RNF150: variants seen among roughly 807,000 people sequenced by gnomAD.
RNF150 encodes the protein ring finger protein 150.
A neutral mutation model predicts 39.3 loss-of-function variants in RNF150; 24 were observed. The observed-to-expected ratio is 0.61, with a 90% CI of 0.44 to 0.86. The LOEUF (loss-of-function observed/expected upper bound fraction) is 0.86, where lower values mean the gene tolerates loss of function less well. Among genes scored for constraint, RNF150 ranks in the 40% least tolerant of loss-of-function variants. The pLI is 0.00. For missense variants in RNF150, 502 were observed against 587.8 expected, an observed-to-expected ratio of 0.85 and a Z score of 1.51; for synonymous variants, 255 against 227.3, an observed-to-expected ratio of 1.12 and a Z score of -1.10.
Position 141,132,192 on chromosome 4 carries a change from C to T in RNF150, c.484+133G>A. ...CAAGTGACGCGGAGCAAAACTTAAT[C>T]GGTCCAGGGAACCCAGACACGTCTT... On this transcript the variant is annotated intron_variant, in intron 1 of 6. Transcript: ENST00000515673. This position sits in a 1 kb window ranked among gnomAD's most constrained non-coding sequence, Gnocchi z 4.9. The T allele has an allele frequency of 3.4e-6, 3 of 894,916 alleles. No homozygotes were observed. Among genetic ancestry groups the T allele is most frequent in the Non-Finnish European group, 5.1e-6 (3 of 591,776 alleles). The allele number at this position is 894,916 out of a possible 1,614,324, so 55.4% of individuals were successfully genotyped here.
chr4:141,139,875 T>C (rs1317089442), intron 1 of RNF150, among the ~76,000 whole-genome samples: 1 of 152,170 alleles, frequency 6.6e-6, no homozygotes, highest in Non-Finnish European at 1.5e-5. Context: ...TACTACCACA[T>C]TGGTAGTCTT....
intron 1 of RNF150, among the ~76,000 whole-genome samples, chr4:141,081,395 C>G (rs1738142520): frequency 6.6e-6 from 1 of 152,170 alleles, no homozygotes; most frequent in African/African-American, 2.4e-5. Context: ...AAAAGAAACT[C>G]ATACTCTCCA....
intron 4 of RNF150, among the ~76,000 whole-genome samples, chr4:140,935,044 TAAATA>T (rs1731799076): frequency 2.3e-4 from 1 of 4,362 alleles, no homozygotes; most frequent in African/African-American, 5.6e-4. Flanking sequence ...TATATATATA[TAAATA>T]TATATATTAT....
At chr4:141,016,283 T>C (rs1431294188) in intron 1 of RNF150, among the ~76,000 whole-genome samples, 1 of 152,174 alleles carries the variant, frequency 6.6e-6, no homozygotes, top group East Asian at 1.9e-4. Flanking sequence ...GACTGAAGAC[T>C]GACCGAAACA....
At chr4:141,077,067 C>T (rs1402549455) in intron 1 of RNF150, among the ~76,000 whole-genome samples, 1 of 152,004 alleles carries the variant, frequency 6.6e-6, no homozygotes, top group Non-Finnish European at 1.5e-5. Flanking sequence ...CTTTTCAGCT[C>T]TACTCACTAC....
Position 141,072,857 on chromosome 4 carries a change from C to T in RNF150, c.484+59468G>A, listed in dbSNP as rs1267646401. Among the ~76,000 whole-genome samples, 6 of 151,780 alleles carry T rather than the reference C, an allele frequency of 4.0e-5. 1 individual carries two copies. In the South Asian group the frequency reaches 1.2e-3, roughly 32 times the overall value. On this transcript the variant is annotated intron_variant, in intron 1 of 6. Transcript: ENST00000515673. ...ACCTCCCAGAATCAAAGTCTCAAAA[C>T]AAAAAAGGCTTCCATATTTAAAAAC...
At chr4:140,887,309 T>C (rs1729610985) in intron 6 of RNF150, among the ~76,000 whole-genome samples, 2 of 152,236 alleles carry the variant, frequency 1.3e-5, no homozygotes, top group Non-Finnish European at 2.9e-5. Flanking sequence ...TGTAATGAGA[T>C]TTGATAAATA....
chr4:141,024,820 T>C (rs1735630877), intron 1 of RNF150, among the ~76,000 whole-genome samples: 1 of 152,160 alleles, frequency 6.6e-6, no homozygotes, highest in Non-Finnish European at 1.5e-5. Flanking sequence ...GATTGGCTAC[T>C]ATTAATTACA....
intron 5 of RNF150, among the ~76,000 whole-genome samples, chr4:140,912,068 T>C (rs762129878): frequency 2.6e-5 from 4 of 152,232 alleles, no homozygotes; most frequent in Non-Finnish European, 5.9e-5. Context: ...TCCAATATCA[T>C]TGACAGCTTC....
chr4:141,074,130 T>G (rs1234839890), intron 1 of RNF150, among the ~76,000 whole-genome samples: 1 of 152,112 alleles, frequency 6.6e-6, no homozygotes, highest in Non-Finnish European at 1.5e-5. Context: ...GAGCAGATTC[T>G]TTTAAAAAAT....
At chr4:141,044,918 AAT>A in intron 1 of RNF150, among the ~76,000 whole-genome samples, 1 of 152,218 alleles carries the variant, frequency 6.6e-6, no homozygotes, top group East Asian at 1.9e-4. Flanking sequence ...TTGTTAGTTT[AAT>A]ATATTAATGT....
intron 1 of RNF150, among the ~76,000 whole-genome samples, chr4:140,986,786 C>T (rs1341884512): frequency 1.3e-5 from 2 of 151,924 alleles, no homozygotes; most frequent in African/African-American, 4.8e-5. Flanking sequence ...TCACAGTAAT[C>T]AGGCAAGAGA....
rs964138581 is a variant in RNF150 at position 140,866,110 on chromosome 4, C to T, written c.*2151G>A. The T allele has an allele frequency of 1.3e-5, 2 of 152,236 alleles. No homozygotes were observed. Among genetic ancestry groups the T allele is most frequent in the Non-Finnish European group, 2.9e-5 (2 of 68,042 alleles). The allele number at this position is 152,236 out of a possible 1,614,324, so 9.4% of individuals were successfully genotyped here. A position where few individuals can be genotyped will look rare whatever the true frequency, so the allele number is the denominator to read the frequency against. On this transcript the variant is annotated 3_prime_UTR_variant, in exon 7 of 7. Transcript: ENST00000515673. ...TTTTAAACAAGGCAAAACAAACCAA[C>T]TCCTACTTGGACTTAAAACTTCAAT...
In RNF150 at chr4:141,095,658, C is replaced by T. The variant is rs777981498; in HGVS notation, c.484+36667G>A. 2.6e-5 allele frequency among the ~76,000 whole-genome samples: 4 copies of T among 152,194 alleles called. No homozygotes were observed. The East Asian group carries it at 5.8e-4, about 22-fold the overall frequency. On this transcript the variant is annotated intron_variant, in intron 1 of 6. Transcript: ENST00000515673. Reference sequence around the variant, plus strand: ...GAGAGCACTGATATATATACCCACACATTTTTGTGTAGTACATAAAGCAGG... The same window carrying T: ...GAGAGCACTGATATATATACCCACATATTTTTGTGTAGTACATAAAGCAGG...
chr4:141,176,592 T>C (rs897700777), intron 1 of RNF150, among the ~76,000 whole-genome samples: 4 of 152,168 alleles, frequency 2.6e-5, no homozygotes, highest in African/African-American at 9.7e-5. Flanking sequence ...GAATGATATC[T>C]TTAGTATCTT....
chr4:141,208,639 G>A (rs1728415306), intron 1 of RNF150, among the ~76,000 whole-genome samples: 1 of 152,178 alleles, frequency 6.6e-6, no homozygotes, highest in South Asian at 2.1e-4. Flanking sequence ...AATACTCCAA[G>A]TCAAGATAGC....
intron 1 of RNF150, among the ~76,000 whole-genome samples, chr4:141,083,464 TG>T (rs1738238204): frequency 6.6e-6 from 1 of 152,164 alleles, no homozygotes; most frequent in Non-Finnish European, 1.5e-5. Flanking sequence ...ATTTACATGT[TG>T]GTGGTGTTGG....
chr4:140,896,731 T>G (rs6148695), intron 6 of RNF150, among the ~76,000 whole-genome samples: 63,050 of 130,530 alleles, frequency 0.48, 16,133 homozygotes, highest in East Asian at 0.83. Flanking sequence ...CAAAAAAAAA[T>G]AATTTTTTTT....
rs1056437599 is a variant in RNF150 at position 140,935,098 on chromosome 4, T to C, written c.891-9025A>G. Among the ~76,000 whole-genome samples the C allele has an allele frequency of 8.9e-4, 123 of 137,470 alleles. 1 individual carries two copies. The highest frequency in any genetic ancestry group is 3.1e-3 in the African/African-American group (117 of 37,286). The allele number at this position is 137,470 out of a possible 152,430, so 90.2% of individuals were successfully genotyped here. On this transcript the variant is annotated intron_variant, in intron 4 of 6. Transcript: ENST00000515673. ...ATATATAATATATATAATAAATATA[T>C]ATATAAAGTGTTATAATATATAAAG...
Sources: gnomAD v4.1 joint callset for allele counts (sites outside exome capture counted in the v4.1 genomes callset) on GRCh38, gnomAD v4.1.1 for gene constraint, Gnocchi (gnomAD v3.1) non-coding constraint, MANE v1.5 for transcripts, NCBI Gene and HGNC (gene_info 2026-07-23, HGNC 2026-07-21) for gene names.